The following PLA2R1 variants were observed in gnomAD, a reference collection of about 807,000 sequenced individuals.
PLA2R1 encodes secretory phospholipase A2 receptor.
A neutral mutation model predicts 195.9 loss-of-function variants in PLA2R1; 158 were observed. That is an observed-to-expected ratio of 0.81 (90% confidence interval 0.71 to 0.92). The LOEUF is 0.92. Among genes scored for constraint, PLA2R1 ranks in the 40% least tolerant of loss-of-function variants. The pLI is 0.00. For missense variants in PLA2R1, 1,626 were observed against 1,764.6 expected, an observed-to-expected ratio of 0.92 and a Z score of 1.41; for synonymous variants, 586 against 598.2, an observed-to-expected ratio of 0.98 and a Z score of 0.30.
chr2:159,993,150 C>T (rs1690949563), intron 11 of PLA2R1, among the ~76,000 whole-genome samples: 1 of 152,050 alleles, frequency 6.6e-6, no homozygotes, highest in Non-Finnish European at 1.5e-5. Context: ...AGTTTCTAAG[C>T]ATTAGCTTCT....
At chr2:159,945,304 C>T (rs1054945500) in intron 27 of PLA2R1, among the ~76,000 whole-genome samples, 15 of 152,086 alleles carry the variant, frequency 9.9e-5, no homozygotes, top group Middle Eastern at 3.4e-3. Flanking sequence ...CCCACTAACT[C>T]GTCATCCAGC....
At chr2:160,013,184 T>A (rs879649397) in intron 10 of PLA2R1, 79 bp downstream of exon 10, 31 of 664,960 alleles carry the variant, frequency 4.7e-5, no homozygotes, top group Non-Finnish European at 7.9e-5. Flanking sequence ...TGAACAGTTA[T>A]GATTGTAGCT....
At position 160,028,870 on chromosome 2, in the gene PLA2R1, T is replaced by C. The variant is rs1464135854; in HGVS notation, c.935A>G (p.Asn312Ser). 2 of 1,611,200 alleles carry C rather than the reference T, an allele frequency of 1.2e-6. No homozygotes were observed. The highest frequency in any genetic ancestry group is 1.1e-5 in the South Asian group (1 of 91,048). Reference protein sequence around the residue: ...GWQWSDGTPLNYLNWSPEVNF... With the variant: ...GWQWSDGTPLSYLNWSPEVNF... Reference sequence around the variant, plus strand: ...GGTACCTGGGCTCCAATTCAGATAGTTGAGCGGCGTTCCATCAGACCACTG... The same window carrying C: ...GGTACCTGGGCTCCAATTCAGATAGCTGAGCGGCGTTCCATCAGACCACTG... The change falls in exon 5 of 30, where the codon AAC becomes AGC. Residue 312 changes from asparagine to serine, a missense_variant. Asn to Ser is a conservative substitution (Grantham distance 46, BLOSUM62 1). Transcript: ENST00000283243.
intron 15 of PLA2R1, among the ~76,000 whole-genome samples, chr2:159,977,024 G>C (rs1385544315): frequency 6.6e-6 from 1 of 152,200 alleles, no homozygotes; most frequent in Non-Finnish European, 1.5e-5. Context: ...TAATGTCAAA[G>C]TGACATTTTT....
intron 17 of PLA2R1, among the ~76,000 whole-genome samples, chr2:159,974,914 A>G (rs747711601): frequency 6.6e-6 from 1 of 152,200 alleles, no homozygotes; most frequent in African/African-American, 2.4e-5. Context: ...TTTCTTTCTC[A>G]AGCCTAGGAT....
intron 1 of PLA2R1, among the ~76,000 whole-genome samples, chr2:160,053,747 A>G (rs577499506): frequency 7.9e-5 from 12 of 152,366 alleles, no homozygotes; most frequent in Admixed American, 7.8e-4. Context: ...ATTGTAGGGC[A>G]GGAGTTGGGA....
At position 159,947,428 on chromosome 2, in the gene PLA2R1, TGCAAAA is replaced by T; in HGVS notation, c.3835_3840del (p.Phe1279_Cys1280del). On this transcript the variant is annotated inframe_deletion, in exon 26 of 30. Transcript: ENST00000283243. ...TCACAAAAACAATTACCTTCCTTTT[TGCAAAA>T]TTCATGAGCAGCCTCAAAACTCATA... 1.3e-6 allele frequency: 2 copies of T among 1,596,136 alleles called. No homozygotes were observed. Among genetic ancestry groups the T allele is most frequent in the Admixed American group, 3.6e-5 (2 of 55,390 alleles).
Position 159,977,551 on chromosome 2 carries a change from G to A in PLA2R1, c.2269-135C>T, listed in dbSNP as rs1689658773. The A allele has an allele frequency of 5.0e-6, 3 of 605,500 alleles. No homozygotes were observed. The South Asian group carries it at 9.1e-5, about 18-fold the overall frequency. 37.5% of individuals were successfully genotyped at this position (605,500 alleles called of 1,614,324 possible). A position where few individuals can be genotyped will look rare whatever the true frequency, so the allele number is the denominator to read the frequency against. On this transcript the variant is annotated intron_variant, in intron 14 of 29. Transcript: ENST00000283243. ...TCAGAAATGTCTGGATGTCATTCTA[G>A]TTGAAGGTTGTTTCACATTTGTGAA...
At chr2:159,930,957 T>G (rs1686572631), downstream of PLA2R1, among the ~76,000 whole-genome samples, 1 of 152,240 alleles carries the variant, frequency 6.6e-6, no homozygotes, top group Non-Finnish European at 1.5e-5. Flanking sequence ...CTTTCTTTCT[T>G]GCTTATTTAT....
intron 25 of PLA2R1, 21 bp from the exon 26 acceptor site, chr2:159,947,580 T>G (rs1226730602): frequency 6.2e-7 from 1 of 1,611,588 alleles, no homozygotes; most frequent in Non-Finnish European, 8.5e-7. Flanking sequence ...AAGCCAGTTA[T>G]GATTTCAGGG....
At position 159,977,267 on chromosome 2, in the gene PLA2R1, C is replaced by T; in HGVS notation, c.2401+17G>A. ...TAGAAATCAAACATATAGCAAAGAT[C>T]TTACTACTATTTTTACCTCTTGGGA... is the stretch of plus-strand genomic sequence containing the variant. On this transcript the variant is annotated intron_variant, in intron 15 of 29. Coordinates refer to ENST00000283243, the MANE Select transcript of PLA2R1 (RefSeq NM_007366.5). The T allele has an allele frequency of 6.3e-7, 1 of 1,591,208 alleles. No individual in the cohort carries two copies. Among genetic ancestry groups the T allele is most frequent in the Non-Finnish European group, 8.6e-7 (1 of 1,160,902 alleles).
At chr2:159,957,569 G>A (rs1175746370) in intron 20 of PLA2R1, among the ~76,000 whole-genome samples, 1 of 152,108 alleles carries the variant, frequency 6.6e-6, no homozygotes, top group Non-Finnish European at 1.5e-5. Context: ...TGGCCAGGAT[G>A]GTCTTGATCT....
intron 8 of PLA2R1, among the ~76,000 whole-genome samples, chr2:160,017,098 A>G (rs187538115): frequency 1.4e-4 from 22 of 152,336 alleles, no homozygotes; most frequent in African/African-American, 4.8e-4. Context: ...TCCTAGAGTC[A>G]GTAAAAATTG....
chr2:159,956,294 G>T (rs75852354), intron 21 of PLA2R1, among the ~76,000 whole-genome samples: 4,300 of 152,194 alleles, frequency 0.028, 92 homozygotes, highest in Non-Finnish European at 0.046. Context: ...GAGAGACAAG[G>T]CTCCAAAACC....
At chr2:160,008,431 A>C (rs1692142520) in intron 10 of PLA2R1, among the ~76,000 whole-genome samples, 1 of 152,252 alleles carries the variant, frequency 6.6e-6, no homozygotes, top group Non-Finnish European at 1.5e-5. Context: ...AATGGTGCCA[A>C]GACTGTTCAG....
intron 14 of PLA2R1, among the ~76,000 whole-genome samples, chr2:159,978,673 A>G (rs1171086357): frequency 4.6e-5 from 7 of 152,160 alleles, no homozygotes; most frequent in Admixed American, 2.0e-4. Flanking sequence ...AGTGGCTGCC[A>G]TTTATGGAGT....
At chr2:160,018,633 AAAACAAACAAACAAAC>A (rs59379239) in intron 8 of PLA2R1, among the ~76,000 whole-genome samples, 78 of 150,636 alleles carry the variant, frequency 5.2e-4, no homozygotes, top group Middle Eastern at 3.4e-3. Flanking sequence ...CTCTGTCTCA[AAAACAAACAAACAAAC>A]AAACAAACAA....
chr2:159,978,775 C>A (rs1025245145), intron 14 of PLA2R1, among the ~76,000 whole-genome samples: 3 of 152,182 alleles, frequency 2.0e-5, no homozygotes, highest in African/African-American at 7.2e-5. Flanking sequence ...TTTAAAATCT[C>A]TTCCTACTCT....
intron 11 of PLA2R1, among the ~76,000 whole-genome samples, chr2:159,992,856 A>G (rs1690922030): frequency 6.6e-6 from 1 of 152,112 alleles, no homozygotes; most frequent in South Asian, 2.1e-4. Context: ...GGTTTGGAAC[A>G]ATTGGGTTGA....
Sources: gnomAD v4.1 joint callset for allele counts (sites outside exome capture counted in the v4.1 genomes callset) on GRCh38, gnomAD v4.1.1 for gene constraint, MANE v1.5 for transcripts, NCBI Gene and HGNC (gene_info 2026-07-23, HGNC 2026-07-21) for gene names.